Variants in CDIN1 observed in about 807,000 individuals in gnomAD.
CDIN1 encodes the protein CDAN1-interacting nuclease 1.
In CDIN1, 33 loss-of-function variants were observed where a neutral mutation model predicts 45.3. That is an observed-to-expected ratio of 0.73 (90% CI 0.55 to 0.97). CDIN1 has a LOEUF of 0.97. Ranked by LOEUF, CDIN1 falls within the 50% of genes least tolerant of loss-of-function variation. CDIN1 has a pLI of 0.00. For synonymous variants in CDIN1, 118 were observed against 124.4 expected, an observed-to-expected ratio of 0.95 and a Z score of 0.34; for missense variants, 303 against 339.4, an observed-to-expected ratio of 0.89 and a Z score of 0.84.
Position 36,794,419 on chromosome 15 carries a change from G to A in CDIN1, c.717-13905G>A, listed in dbSNP as rs183036284. ...AACAGATCTCTAGAACTTTTATCTCGCAAAACAAACCCATACTCATTAAAC... is the reference window on the plus strand; with the variant it reads ...AACAGATCTCTAGAACTTTTATCTCACAAAACAAACCCATACTCATTAAAC... On this transcript the variant is annotated intron_variant, in intron 10 of 10. Transcript: ENST00000566621. 1.8e-3 allele frequency among the ~76,000 whole-genome samples: 276 copies of A among 152,022 alleles called. 4 individuals are homozygous for A. Among genetic ancestry groups the A allele is most frequent in the Admixed American group, 0.013 (200 of 15,276 alleles).
chr15:36,719,886 C>A (rs535464069), intron 10 of CDIN1, among the ~76,000 whole-genome samples: 115 of 152,000 alleles, frequency 7.6e-4, no homozygotes, highest in Non-Finnish European at 1.4e-3. Context: ...TCCATTTAAT[C>A]TAAGTTGCAG....
intron 1 of CDIN1, among the ~76,000 whole-genome samples, chr15:36,581,049 C>T (rs574449978): frequency 6.6e-6 from 1 of 152,060 alleles, no homozygotes; most frequent in Non-Finnish European, 1.5e-5. Flanking sequence ...CAATATTATC[C>T]AGATTTGATT....
At chr15:36,759,729 G>C (rs552847875) in intron 10 of CDIN1, among the ~76,000 whole-genome samples, 3 of 152,254 alleles carry the variant, frequency 2.0e-5, no homozygotes, top group African/African-American at 4.8e-5. Flanking sequence ...TATACAGAAG[G>C]CATGACTGGG....
intron 1 of CDIN1, among the ~76,000 whole-genome samples, chr15:36,638,363 T>C (rs914229271): frequency 1.3e-5 from 2 of 152,180 alleles, no homozygotes; most frequent in African/African-American, 4.8e-5. Context: ...AAACTCTTCA[T>C]TGAATATTGT....
intron 3 of CDIN1, among the ~76,000 whole-genome samples, chr15:36,652,548 A>T (rs184460475): frequency 6.6e-6 from 1 of 152,150 alleles, no homozygotes; most frequent in Admixed American, 6.5e-5. Flanking sequence ...TTCTTAACGG[A>T]CCTGTTTCCC....
rs1391728631 is a variant in CDIN1 at position 36,809,828 on chromosome 15, T to C, written c.*1375T>C. 6.6e-6 allele frequency: 1 copy of C among 152,214 alleles called. No individual in the cohort carries two copies. The highest frequency in any genetic ancestry group is 1.9e-4 in the East Asian group (1 of 5,194). 9.4% of individuals were successfully genotyped at this position (152,214 alleles called of 1,614,324 possible). Reference sequence around the variant, plus strand: ...CTACCAAAGAAGGTTTGTAAAAATATGCCTGCTGCTTTTCCTTTTGAAGGA... The same window carrying C: ...CTACCAAAGAAGGTTTGTAAAAATACGCCTGCTGCTTTTCCTTTTGAAGGA... On this transcript the variant is annotated 3_prime_UTR_variant, in exon 11 of 11. Transcript: ENST00000566621.
intron 10 of CDIN1, among the ~76,000 whole-genome samples, chr15:36,804,110 A>G: frequency 6.6e-6 from 1 of 151,968 alleles, no homozygotes; most frequent in East Asian, 1.9e-4. Flanking sequence ...CTTGTAGAAC[A>G]GGGATAATAA....
intron 10 of CDIN1, among the ~76,000 whole-genome samples, chr15:36,742,606 A>G (rs928854698): frequency 3.9e-5 from 6 of 152,118 alleles, no homozygotes; most frequent in Non-Finnish European, 8.8e-5. Flanking sequence ...TGAGACCCCA[A>G]TGTGCTTGAG....
intron 8 of CDIN1, among the ~76,000 whole-genome samples, chr15:36,702,468 G>A (rs2042679861): frequency 6.6e-6 from 1 of 151,748 alleles, no homozygotes; most frequent in Non-Finnish European, 1.5e-5. Context: ...GAACTTTGAA[G>A]AAAGGTTGTT....
chr15:36,612,719 G>C (rs2038707036), intron 1 of CDIN1, among the ~76,000 whole-genome samples: 1 of 152,168 alleles, frequency 6.6e-6, no homozygotes, highest in South Asian at 2.1e-4. Context: ...GGCTTTTACA[G>C]ATTTCCTGCA....
chr15:36,741,948 C>G (rs776899628), intron 10 of CDIN1, among the ~76,000 whole-genome samples: 1 of 152,110 alleles, frequency 6.6e-6, no homozygotes, highest in Non-Finnish European at 1.5e-5. Context: ...CGAGGGCTGT[C>G]TCCGTGGTTT....
At chr15:36,716,146 T>A (rs1798182553) in intron 10 of CDIN1, among the ~76,000 whole-genome samples, 1 of 152,152 alleles carries the variant, frequency 6.6e-6, no homozygotes, top group Non-Finnish European at 1.5e-5. Context: ...TAGAAAGACA[T>A]CTAAATGATT....
intron 8 of CDIN1, among the ~76,000 whole-genome samples, chr15:36,701,403 G>GT (rs1004028253): frequency 1.4e-4 from 22 of 152,114 alleles, no homozygotes; most frequent in African/African-American, 1.2e-4. Context: ...ATTTTGCTGT[G>GT]TTTTTTTGTG....
intron 8 of CDIN1, among the ~76,000 whole-genome samples, chr15:36,701,237 A>G (rs548734261): frequency 1.3e-5 from 2 of 152,214 alleles, no homozygotes; most frequent in African/African-American, 2.4e-5. Flanking sequence ...GCTTAGCTGT[A>G]CAAAAAACTC....
intron 10 of CDIN1, among the ~76,000 whole-genome samples, chr15:36,791,175 CT>C (rs934045164): frequency 6.6e-5 from 10 of 151,992 alleles, no homozygotes; most frequent in South Asian, 4.1e-4. Context: ...TTCAGCCCAT[CT>C]TACATATGCC....
At chr15:36,798,871 A>G (rs1277606778) in intron 10 of CDIN1, 2 of 152,220 alleles carry the variant, frequency 1.3e-5, no homozygotes, top group African/African-American at 2.4e-5. Context: ...TTAGAAATGG[A>G]AAGTTCAGAA....
chr15:36,618,197 C>CAA (rs199931822), intron 1 of CDIN1: 8 of 658,196 alleles, frequency 1.2e-5, no homozygotes, highest in Non-Finnish European at 1.9e-5. Flanking sequence ...TCGACCATTC[C>CAA]AAAAAAAAAC....
At chr15:36,695,172 A>G (rs749444354) in intron 7 of CDIN1, among the ~76,000 whole-genome samples, 3 of 152,178 alleles carry the variant, frequency 2.0e-5, no homozygotes, top group Non-Finnish European at 4.4e-5. Context: ...ATTCACCTGT[A>G]TGTATTGGTA....
intron 10 of CDIN1, among the ~76,000 whole-genome samples, chr15:36,790,720 C>T (rs55702757): frequency 0.011 from 1,710 of 152,216 alleles, 31 homozygotes; most frequent in African/African-American, 0.039. Context: ...GGAAAAGTTC[C>T]AGTTCATTTT....
Sources: gnomAD v4.1 joint callset for allele counts (sites outside exome capture counted in the v4.1 genomes callset) on GRCh38, gnomAD v4.1.1 for gene constraint, MANE v1.5 for transcripts, NCBI Gene and HGNC (gene_info 2026-07-23, HGNC 2026-07-21) for gene names.